The following IGF2R variants were observed in gnomAD, a reference collection of about 807,000 sequenced individuals.
The protein encoded by IGF2R is insulin like growth factor 2 receptor.
In IGF2R, 91 loss-of-function variants were observed where a neutral mutation model predicts 270.6. That is an observed-to-expected ratio of 0.34 (90% confidence interval 0.28 to 0.40). The LOEUF is 0.40. Among genes scored for constraint, IGF2R ranks in the 10% least tolerant of loss-of-function variants. The pLI, the probability that IGF2R is intolerant of heterozygous loss-of-function variation, is 1.00. For synonymous variants in IGF2R, 1,316 were observed against 1,258.9 expected (o/e 1.05, Z -0.96); for missense variants, 2,805 against 3,188.3 (o/e 0.88, Z 2.90).
At position 160,070,963 on chromosome 6, in the gene IGF2R, C is replaced by T. The variant is rs536155187; in HGVS notation, c.4443+905C>T. ...ATTCTCCTCTGTGACCTGAGAGGCTCATGGCCGAGGACAAAAGGGCTGCCC... is the reference window on the plus strand; with the variant it reads ...ATTCTCCTCTGTGACCTGAGAGGCTTATGGCCGAGGACAAAAGGGCTGCCC... On this transcript the variant is annotated intron_variant, in intron 31 of 47. Coordinates refer to ENST00000356956, the MANE Select transcript of IGF2R (RefSeq NM_000876.4). Among the ~76,000 whole-genome samples, 5 of 152,198 alleles carry T rather than the reference C, an allele frequency of 3.3e-5. 1 individual carries two copies. In the South Asian group the frequency reaches 6.2e-4, roughly 19 times the overall value.
chr6:159,976,951 C>T (rs550456734), intron 1 of IGF2R, among the ~76,000 whole-genome samples: 4 of 152,278 alleles, frequency 2.6e-5, no homozygotes, highest in South Asian at 2.1e-4. Flanking sequence ...AACTCTTCTT[C>T]GGTTTGTCTG....
At chr6:160,011,212 C>T (rs1178051962) in intron 4 of IGF2R, among the ~76,000 whole-genome samples, 1 of 152,192 alleles carries the variant, frequency 6.6e-6, no homozygotes, top group East Asian at 1.9e-4. Context: ...GATAAGTCTC[C>T]TTTACCTGTT....
In IGF2R at chr6:160,029,666, C is replaced by T. The variant is rs373077735; in HGVS notation, c.882+11C>T. 573 of 1,575,458 alleles carry T rather than the reference C, an allele frequency of 3.6e-4. 4 individuals carry two copies. In the South Asian group the frequency reaches 3.8e-3, roughly 10 times the overall value. On this transcript the variant is annotated intron_variant, in intron 7 of 47. Coordinates refer to ENST00000356956, the MANE Select transcript of IGF2R (RefSeq NM_000876.4). ...TCGGAGCGGAGAGAGGTAAGTGACTCGTCTCCTGATCACTAATGTGGCGCA... is the reference window on the plus strand; with the variant it reads ...TCGGAGCGGAGAGAGGTAAGTGACTTGTCTCCTGATCACTAATGTGGCGCA...
intron 46 of IGF2R, among the ~76,000 whole-genome samples, chr6:160,103,376 CAGA>C (rs1184977327): frequency 6.6e-6 from 1 of 151,338 alleles, no homozygotes; most frequent in Non-Finnish European, 1.5e-5. Flanking sequence ...CAGAATGGGG[CAGA>C]AGAAGGTCTG....
chr6:160,105,029 C>G lies in IGF2R; in HGVS notation c.7421C>G (p.Ser2474Cys). 3.7e-6 allele frequency: 6 copies of G among 1,612,194 alleles called. No individual in the cohort carries two copies. The highest frequency in any genetic ancestry group is 5.1e-6 in the Non-Finnish European group (6 of 1,179,072). ...TCTGCACAGCAGAAGACAGTGAGCT[C>G]CACCAAGCTGGTGTCCTTCCATGAC... ...SSSAQQKTVSSTKLVSFHDDS... is the reference protein window; with the variant it reads ...SSSAQQKTVSCTKLVSFHDDS... Residue 2474 changes from serine (S) to cysteine (C), a missense_variant, in exon 48 of 48, where the codon TCC becomes TGC. Physicochemically the swap from Ser to Cys is moderately radical, Grantham distance 112. This residue lies in a region of IGF2R where 1,851 missense variants were observed against 2,207.2 expected (regional missense o/e 0.84). Transcript: ENST00000356956.
In IGF2R at chr6:160,080,289, C is replaced by G. The variant is rs1187427284; in HGVS notation, c.5833+14C>G. On this transcript the variant is annotated intron_variant, in intron 39 of 47. Transcript: ENST00000356956. Reference sequence around the variant, plus strand: ...TCTGCAGACACTGTGAGTAGGACGGCTCCGCGTCCCCACATGGCCTGGGGC... The same window carrying G: ...TCTGCAGACACTGTGAGTAGGACGGGTCCGCGTCCCCACATGGCCTGGGGC... 1 of 1,610,672 alleles carries G rather than the reference C, an allele frequency of 6.2e-7. No individual in the cohort carries two copies. Among genetic ancestry groups the G allele is most frequent in the Non-Finnish European group, 8.5e-7 (1 of 1,177,980 alleles).
intron 4 of IGF2R, among the ~76,000 whole-genome samples, chr6:160,021,011 C>CA: frequency 6.6e-6 from 1 of 152,278 alleles, no homozygotes; most frequent in South Asian, 2.1e-4. Flanking sequence ...AGTGAACAGA[C>CA]AACATACAAA....
intron 1 of IGF2R, among the ~76,000 whole-genome samples, chr6:159,981,799 G>T (rs886182328): frequency 1.5e-4 from 23 of 152,270 alleles, no homozygotes; most frequent in South Asian, 4.1e-4. Flanking sequence ...CCCATTGCCT[G>T]CCCTGGTTCC....
chr6:160,031,709 A>G (rs764246774), intron 7 of IGF2R, among the ~76,000 whole-genome samples: 5 of 152,186 alleles, frequency 3.3e-5, no homozygotes, highest in African/African-American at 4.8e-5. Flanking sequence ...CAGCTCTGCA[A>G]CTTACTAATT....
intron 1 of IGF2R, among the ~76,000 whole-genome samples, chr6:159,990,347 G>A (rs1783957248): frequency 6.6e-6 from 1 of 152,156 alleles, no homozygotes; most frequent in South Asian, 2.1e-4. Flanking sequence ...CCCTTATGCT[G>A]TTCTCGTGGT....
chr6:160,079,997 G>T, intron 38 of IGF2R, 132 bp from the exon 39 acceptor site: 1 of 1,165,746 alleles, frequency 8.6e-7, no homozygotes, highest in Non-Finnish European at 1.2e-6. Context: ...GGTGAGTTTT[G>T]GCAGGTGAAT....
chr6:160,089,642 C>T (rs1779174329), intron 43 of IGF2R, among the ~76,000 whole-genome samples: 1 of 152,158 alleles, frequency 6.6e-6, no homozygotes, highest in South Asian at 2.1e-4. Flanking sequence ...ACAGACAGGG[C>T]GAGGGCCGTG....
chr6:160,063,052 T>TG (rs1398846896), intron 26 of IGF2R, among the ~76,000 whole-genome samples: 10 of 150,948 alleles, frequency 6.6e-5, no homozygotes, highest in Non-Finnish European at 1.3e-4. Flanking sequence ...TTTTTTTTTT[T>TG]TTTTGAGACC....
chr6:160,071,590 C>T (rs1778739686), intron 31 of IGF2R, among the ~76,000 whole-genome samples: 1 of 152,170 alleles, frequency 6.6e-6, no homozygotes, highest in Non-Finnish European at 1.5e-5. Flanking sequence ...TTGTGTCTCC[C>T]TGTAGCCCTT....
At chr6:160,062,432 A>G (rs1013269438) in intron 25 of IGF2R, 100 bp from the exon 26 acceptor site, 1 of 865,178 alleles carries the variant, frequency 1.2e-6, no homozygotes, top group African/African-American at 1.7e-5. Flanking sequence ...TCGGCCTCCC[A>G]AAGTGCTGAG....
intron 29 of IGF2R, among the ~76,000 whole-genome samples, chr6:160,065,806 G>A (rs1306565352): frequency 6.6e-4 from 38 of 57,492 alleles, no homozygotes; most frequent in Non-Finnish European, 9.2e-4. Context: ...GTGTGTGTGT[G>A]TGTGTGTGTA....
At position 160,102,746 on chromosome 6, in the gene IGF2R, G is replaced by T. The variant is rs1583308951; in HGVS notation, c.6995+75G>T. ...AGCTAATCTTGGGGTCAGTTTTGTG[G>T]GGTTTTATTTATTTGTTTTTAAGCC... On this transcript the variant is annotated intron_variant, in intron 46 of 47. Coordinates refer to ENST00000356956, the MANE Select transcript of IGF2R (RefSeq NM_000876.4). The surrounding 1 kb of genome is among the most constrained non-coding windows in gnomAD (Gnocchi z 4.5). 6.8e-7 allele frequency: 1 copy of T among 1,470,130 alleles called. No homozygotes were observed. The highest frequency in any genetic ancestry group is 2.2e-5 in the Admixed American group (1 of 45,016). 91.1% of individuals were successfully genotyped at this position (1,470,130 alleles called of 1,614,324 possible).
chr6:160,044,800 C>T (rs530068369), intron 13 of IGF2R, 143 bp downstream of exon 13: 34 of 665,204 alleles, frequency 5.1e-5, no homozygotes, highest in Non-Finnish European at 7.1e-5. Flanking sequence ...CAGACTCTGG[C>T]GATGGGAGAT....
chr6:159,969,755 T>G (rs550226855), intron 1 of IGF2R, among the ~76,000 whole-genome samples: 1 of 152,238 alleles, frequency 6.6e-6, no homozygotes, highest in South Asian at 2.1e-4. Flanking sequence ...AGGCAGGAAC[T>G]CCAGTTTGCT....
Sources: allele counts gnomAD v4.1 joint callset (sites outside exome capture counted in the v4.1 genomes callset), GRCh38; gene constraint gnomAD v4.1.1; regional missense constraint gnomAD v4.1.1; non-coding constraint Gnocchi (gnomAD v3.1); transcripts MANE v1.5; gene names NCBI Gene and HGNC (gene_info 2026-07-23, HGNC 2026-07-21).